Variants in ABI3 observed in about 807,000 individuals in gnomAD.
The protein encoded by ABI3 is ABI gene family member 3.
Under a neutral mutation model 37.0 loss-of-function variants are expected in ABI3, and 24 were observed. The ratio of observed to expected loss-of-function variants is 0.65; its 90% CI spans 0.47 to 0.91. ABI3 has a LOEUF of 0.91. Ranked by LOEUF, ABI3 falls within the 40% of genes least tolerant of loss-of-function variation. ABI3 has a pLI of 0.00. For synonymous variants in ABI3, 220 were observed against 211.8 expected, an observed-to-expected ratio of 1.04 and a Z score of -0.34; for missense variants, 481 against 485.1, an observed-to-expected ratio of 0.99 and a Z score of 0.08.
chr17:49,221,651 G>T (rs2043290015), intron 6 of ABI3, among the ~76,000 whole-genome samples: 1 of 152,172 alleles, frequency 6.6e-6, no homozygotes, highest in Admixed American at 6.5e-5. Flanking sequence ...ACTTAACTAT[G>T]TGCTAGCAGC....
At position 49,219,840 on chromosome 17, in the gene ABI3, C is replaced by T. The variant is rs1245630844; in HGVS notation, c.549-18C>T. The T allele has an allele frequency of 1.2e-5, 19 of 1,538,768 alleles. No individual in the cohort carries two copies. The highest frequency in any genetic ancestry group is 2.4e-5 in the East Asian group (1 of 40,970). On this transcript the variant is annotated intron_variant, in intron 4 of 7. Coordinates refer to ENST00000225941, the MANE Select transcript of ABI3 (RefSeq NM_016428.3). The surrounding 1 kb of genome is among the most constrained non-coding windows in gnomAD (Gnocchi z 4.3). ...CCTTCCTCCTTCCTCCTAATACCCA[C>T]TCCCTGCCCCCCGCCAGGAGACCAC... is the stretch of plus-strand genomic sequence containing the variant.
Position 49,219,187 on chromosome 17 carries a change from G to A in ABI3, c.463-353G>A, listed in dbSNP as rs2043252695. ...GTGTGATGTGTCCTCTCCTTTCTCC[G>A]CCCCCTCCTCAGCCCGATCAAAGTT... is the stretch of plus-strand genomic sequence containing the variant. On this transcript the variant is annotated intron_variant, in intron 3 of 7. Coordinates refer to ENST00000225941, the MANE Select transcript of ABI3 (RefSeq NM_016428.3). The surrounding 1 kb of genome is among the most constrained non-coding windows in gnomAD (Gnocchi z 4.3). Among the ~76,000 whole-genome samples the A allele has an allele frequency of 1.3e-5, 2 of 152,056 alleles. No individual in the cohort carries two copies. The highest frequency in any genetic ancestry group is 2.9e-5 in the Non-Finnish European group (2 of 67,982).
Position 49,223,086 on chromosome 17 carries a change from T to C in ABI3, c.*371T>C, listed in dbSNP as rs2043311211. On this transcript the variant is annotated 3_prime_UTR_variant, in exon 8 of 8. Transcript: ENST00000225941. Reference sequence around the variant, plus strand: ...TCCCAGTTCTAAGGCTGCTGCTAATTACAGCCCCCAACCTCCAACCCACCA... The same window carrying C: ...TCCCAGTTCTAAGGCTGCTGCTAATCACAGCCCCCAACCTCCAACCCACCA... 2.4e-6 allele frequency: 1 copy of C among 411,866 alleles called. No homozygotes were observed. The highest frequency in any genetic ancestry group is 3.5e-5 in the East Asian group (1 of 28,736). The allele number at this position is 411,866 out of a possible 1,614,324, so 25.5% of individuals were successfully genotyped here.
Position 49,219,469 on chromosome 17 carries a change from T to A in ABI3, c.463-71T>A. 1 of 1,350,208 alleles carries A rather than the reference T, an allele frequency of 7.4e-7. No homozygotes were observed. Among genetic ancestry groups the A allele is most frequent in the East Asian group, 2.5e-5 (1 of 39,500 alleles). The allele number at this position is 1,350,208 out of a possible 1,614,324, so 83.6% of individuals were successfully genotyped here. ...GGTTCCCGTCCGCCCCTCCTCCATT[T>A]CCTCTTGGGGATGAGGGTGGAGGGA... On this transcript the variant is annotated intron_variant, in intron 3 of 7. Coordinates refer to ENST00000225941, the MANE Select transcript of ABI3 (RefSeq NM_016428.3). The surrounding 1 kb of genome is among the most constrained non-coding windows in gnomAD (Gnocchi z 4.3).
rs533843248 is a variant in ABI3 at position 49,222,420 on chromosome 17, G to A, written c.938-132G>A. On this transcript the variant is annotated intron_variant, in intron 7 of 7. Coordinates refer to ENST00000225941, the MANE Select transcript of ABI3 (RefSeq NM_016428.3). ...AACTAAGCTGGGGAGGGGTCCTGAA[G>A]GCTTGCAAGAAGGCCCCCAAGATGG... The A allele has an allele frequency of 7.2e-5, 99 of 1,381,954 alleles. No individual in the cohort carries two copies. The East Asian group carries it at 1.9e-3, about 27-fold the overall frequency. 85.6% of individuals were successfully genotyped at this position (1,381,954 alleles called of 1,614,324 possible).
At chr17:49,214,580 C>T (rs2043202231) in intron 1 of ABI3, among the ~76,000 whole-genome samples, 3 of 152,172 alleles carry the variant, frequency 2.0e-5, no homozygotes, top group Admixed American at 6.5e-5. Context: ...CGTGGCGGTG[C>T]ATGCCTGTAA....
chr17:49,210,716 C>A lies in ABI3; in HGVS notation c.-9C>A. 1 of 1,555,672 alleles carries A rather than the reference C, an allele frequency of 6.4e-7. No homozygotes were observed. The highest frequency in any genetic ancestry group is 8.7e-7 in the Non-Finnish European group (1 of 1,149,148). ...GGCTCCCTGGGGAGCCAGACAGAGG[C>A]TGGGGGTGATGGCGGAGCTACAGCA... On this transcript the variant is annotated 5_prime_UTR_variant, in exon 1 of 8. The change creates a new upstream start codon in the 5' untranslated region. Transcript: ENST00000225941. The surrounding 1 kb of genome is among the most constrained non-coding windows in gnomAD (Gnocchi z 4.2).
intron 6 of ABI3, 91 bp downstream of exon 6, chr17:49,220,417 C>T (rs1001278347): frequency 4.0e-5 from 59 of 1,465,884 alleles, no homozygotes; most frequent in Non-Finnish European, 5.2e-5. Context: ...TCTGCCCCGG[C>T]CAGCCTCAGT....
Position 49,220,188 on chromosome 17 carries a change from G to A in ABI3, c.664G>A (p.Gly222Arg). The A allele has an allele frequency of 1.9e-6, 3 of 1,612,106 alleles. No homozygotes were observed. The highest frequency in any genetic ancestry group is 2.5e-6 in the Non-Finnish European group (3 of 1,179,892). The change falls in exon 6 of 8, where the codon GGG becomes AGG. Residue 222 changes from glycine to arginine, a missense_variant. Gly to Arg is a moderately radical substitution (Grantham distance 125, BLOSUM62 -2). Transcript: ENST00000225941. ...GTTCAGCAGCGCCGAAGGTGTCGGTGGGGCCCCCACGCCCAAGGGGCAGGC... is the reference window on the plus strand; with the variant it reads ...GTTCAGCAGCGCCGAAGGTGTCGGTAGGGCCCCCACGCCCAAGGGGCAGGC... ...ASAGSAEGVG[G>R]APTPKGQAAP...
chr17:49,210,879 C>T lies in ABI3; in HGVS notation c.117+38C>T, dbSNP rs1006726595. The T allele has an allele frequency of 1.9e-5, 28 of 1,510,142 alleles. No individual in the cohort carries two copies. Among genetic ancestry groups the T allele is most frequent in the East Asian group, 1.7e-4 (7 of 40,346 alleles). The allele number at this position is 1,510,142 out of a possible 1,614,324, so 93.5% of individuals were successfully genotyped here. ...GGCGGAAGCCTGACACCCCAGCCCC[C>T]GGAGGGGGGACCCTGAGCCCTGCCC... On this transcript the variant is annotated intron_variant, in intron 1 of 7. Transcript: ENST00000225941. The surrounding 1 kb of genome is among the most constrained non-coding windows in gnomAD (Gnocchi z 4.2).
Position 49,217,731 on chromosome 17 carries a change from T to C in ABI3, c.286-8T>C. 1 of 1,604,254 alleles carries C rather than the reference T, an allele frequency of 6.2e-7. No homozygotes were observed. The highest frequency in any genetic ancestry group is 8.5e-7 in the Non-Finnish European group (1 of 1,175,826). Reference sequence around the variant, plus strand: ...CCCCTCTCTGTCACCTTGAACCCTGTCATGCAGATGGTGAACATGCATATG... The same window carrying C: ...CCCCTCTCTGTCACCTTGAACCCTGCCATGCAGATGGTGAACATGCATATG... On this transcript the variant is annotated splice_polypyrimidine_tract_variant and splice_region_variant and intron_variant, in intron 2 of 7. Coordinates refer to ENST00000225941, the MANE Select transcript of ABI3 (RefSeq NM_016428.3).
chr17:49,212,234 A>T (rs1356058873), intron 1 of ABI3, among the ~76,000 whole-genome samples: 1 of 152,202 alleles, frequency 6.6e-6, no homozygotes, highest in Admixed American at 6.5e-5. Context: ...GATTACAGGC[A>T]TAAGCCACCA....
intron 1 of ABI3, among the ~76,000 whole-genome samples, chr17:49,212,765 T>G (rs1006487966): frequency 6.6e-6 from 1 of 152,192 alleles, no homozygotes; most frequent in Non-Finnish European, 1.5e-5. Flanking sequence ...CCACTCCCTA[T>G]GCCACTAACT....
At chr17:49,220,445 A>G (rs2043272365) in intron 6 of ABI3, 119 bp downstream of exon 6, 1 of 1,309,212 alleles carries the variant, frequency 7.6e-7, no homozygotes, top group African/African-American at 1.5e-5. Context: ...TCCTCCAAGG[A>G]GCGCAGCACA....
chr17:49,220,149 C>G lies in ABI3; in HGVS notation c.645-20C>G. 1 of 1,611,514 alleles carries G rather than the reference C, an allele frequency of 6.2e-7. No individual in the cohort carries two copies. Among genetic ancestry groups the G allele is most frequent in the East Asian group, 2.2e-5 (1 of 44,876 alleles). ...GCATTAGGGAAGGCGTGTCCGCCAA[C>G]CGGGCTCTCTGGTGTTCAGCAGCGC... On this transcript the variant is annotated intron_variant, in intron 5 of 7. Transcript: ENST00000225941.
intron 1 of ABI3, among the ~76,000 whole-genome samples, chr17:49,212,801 C>A (rs563219243): frequency 1.3e-5 from 2 of 152,274 alleles, no homozygotes; most frequent in East Asian, 3.9e-4. Flanking sequence ...GGTATCATTT[C>A]GGTCTGTGTA....
chr17:49,222,550 A>G lies in ABI3; in HGVS notation c.938-2A>G, dbSNP rs759338201. The G allele has an allele frequency of 1.2e-6, 2 of 1,613,584 alleles. No homozygotes were observed. The highest frequency in any genetic ancestry group is 2.7e-5 in the African/African-American group (2 of 74,900). On this transcript the variant is annotated splice_acceptor_variant, in intron 7 of 7. Transcript: ENST00000225941. LOFTEE classifies it high-confidence loss of function. The stretch of plus-strand genomic sequence containing the variant: ...ACGGCACCCTCTTCTCTTGCCCTGC[A>G]GTGGTGACACTGTACCCATACACCA...
chr17:49,215,832 G>C (rs542244607), intron 1 of ABI3, among the ~76,000 whole-genome samples: 1 of 151,300 alleles, frequency 6.6e-6, no homozygotes, highest in African/African-American at 2.4e-5. Flanking sequence ...GGCTGGGCAC[G>C]GTGGCTCACG....
chr17:49,217,605 CGGGGGG>C, intron 2 of ABI3, 128 bp from the exon 3 acceptor site: 3 of 698,428 alleles, frequency 4.3e-6, no homozygotes, highest in Non-Finnish European at 6.4e-6. Flanking sequence ...GGGCGGGGGG[CGGGGGG>C]CAGGGCCCTC....
Sources: allele counts gnomAD v4.1 joint callset (sites outside exome capture counted in the v4.1 genomes callset), GRCh38; gene constraint gnomAD v4.1.1; non-coding constraint Gnocchi (gnomAD v3.1); transcripts MANE v1.5; gene names NCBI Gene and HGNC (gene_info 2026-07-23, HGNC 2026-07-21).